EIF2AK3: variants seen among roughly 807,000 people sequenced by gnomAD.
The protein encoded by EIF2AK3 is eukaryotic translation initiation factor 2 alpha kinase 3.
EIF2AK3 carries 50 observed loss-of-function variants against 113.5 expected under a neutral mutation model. The ratio of observed to expected loss-of-function variants is 0.44; its 90% confidence interval spans 0.35 to 0.56. The LOEUF (loss-of-function observed/expected upper bound fraction) is 0.56. EIF2AK3 is among the 20% of genes least tolerant of loss of function. The probability of loss-of-function intolerance (pLI) is 0.00; values close to 1 mark genes in which losing one functional copy is unlikely to be tolerated. For missense variants in EIF2AK3, 1,185 were observed against 1,378.0 expected, an observed-to-expected ratio of 0.86 and a Z score of 2.22; for synonymous variants, 448 against 495.4, an observed-to-expected ratio of 0.90 and a Z score of 1.27.
intron 1 of EIF2AK3, among the ~76,000 whole-genome samples, chr2:88,618,446 TTA>T (rs1375379767): frequency 6.6e-6 from 1 of 152,152 alleles, no homozygotes; most frequent in Non-Finnish European, 1.5e-5. Flanking sequence ...TTCATTCGAG[TTA>T]TTTTTTCATA....
At chr2:88,603,381 T>C (rs1292984099) in intron 2 of EIF2AK3, among the ~76,000 whole-genome samples, 1 of 152,230 alleles carries the variant, frequency 6.6e-6, no homozygotes, top group Admixed American at 6.5e-5. Context: ...GCTTCCTGCT[T>C]TTTCCCACTG....
chr2:88,579,403 A>G, intron 11 of EIF2AK3, 115 bp downstream of exon 11: 1 of 1,401,240 alleles, frequency 7.1e-7, no homozygotes, highest in Non-Finnish European at 9.9e-7. Flanking sequence ...TAAGATTTGA[A>G]ACGTCTGAAA....
chr2:88,608,175 G>C (rs377581303), intron 2 of EIF2AK3, among the ~76,000 whole-genome samples: 40 of 152,232 alleles, frequency 2.6e-4, no homozygotes, highest in African/African-American at 9.2e-4. Context: ...CAGCTTCTCA[G>C]ATTAATAAGT....
intron 2 of EIF2AK3, among the ~76,000 whole-genome samples, chr2:88,608,037 C>CA (rs1675332635): frequency 6.6e-6 from 1 of 152,194 alleles, no homozygotes; most frequent in African/African-American, 2.4e-5. Flanking sequence ...CCCTCCTCCA[C>CA]AATACCACAC....
chr2:88,557,424 C>G lies in EIF2AK3; in HGVS notation c.*312G>C. The G allele has an allele frequency of 2.8e-6, 1 of 359,176 alleles. No homozygotes were observed. The allele number at this position is 359,176 out of a possible 1,614,324, so 22.2% of individuals were successfully genotyped here. ...AAAAATATATCCATTTTAGTTCTCA[C>G]TATATATATATATTAGGGATTGCTG... On this transcript the variant is annotated 3_prime_UTR_variant, in exon 17 of 17. Coordinates refer to ENST00000303236, the MANE Select transcript of EIF2AK3 (RefSeq NM_004836.7).
intron 15 of EIF2AK3, 104 bp downstream of exon 15, chr2:88,562,185 C>T (rs1317688962): frequency 2.3e-6 from 2 of 867,844 alleles, no homozygotes; most frequent in East Asian, 5.2e-5. Flanking sequence ...TTTAGTTAAC[C>T]AATCTGCTGG....
In EIF2AK3 at chr2:88,562,382, T is replaced by G. The variant is rs753123351; in HGVS notation, c.2994A>C (p.Gly998=). The part of the protein sequence containing the change: ...KLYMSPEQIH[G]NSYSHKVDIF... ...TGTCCACTTTATGAGAATAGCTGTTTCCATGAATCTGAAATCCCACATAAA... is the reference window on the plus strand; with the variant it reads ...TGTCCACTTTATGAGAATAGCTGTTGCCATGAATCTGAAATCCCACATAAA... The change falls in exon 15 of 17, where the codon GGA becomes GGC. Residue 998 remains glycine (G), a synonymous_variant. Coordinates refer to ENST00000303236, the MANE Select transcript of EIF2AK3 (RefSeq NM_004836.7). 6.2e-7 allele frequency: 1 copy of G among 1,613,574 alleles called. No homozygotes were observed. The highest frequency in any genetic ancestry group is 8.5e-7 in the Non-Finnish European group (1 of 1,179,522).
intron 2 of EIF2AK3, among the ~76,000 whole-genome samples, chr2:88,610,058 G>A (rs1675394700): frequency 6.6e-6 from 1 of 151,798 alleles, no homozygotes. Context: ...GGAGTTGGAG[G>A]CTACTGTGAG....
chr2:88,597,569 T>C (rs1319759425), intron 2 of EIF2AK3, among the ~76,000 whole-genome samples: 1 of 152,224 alleles, frequency 6.6e-6, no homozygotes, highest in East Asian at 1.9e-4. Flanking sequence ...GGCATGGTTA[T>C]TTAAACACAA....
At chr2:88,562,470 GT>G in intron 14 of EIF2AK3, 80 bp from the exon 15 acceptor site, 1 of 1,152,854 alleles carries the variant, frequency 8.7e-7, no homozygotes, top group South Asian at 1.3e-5. Flanking sequence ...GAATCCCAAA[GT>G]TTACTTAGTC....
intron 2 of EIF2AK3, among the ~76,000 whole-genome samples, chr2:88,601,687 G>A (rs1675151160): frequency 6.6e-6 from 1 of 151,958 alleles, no homozygotes; most frequent in Non-Finnish European, 1.5e-5. Context: ...TTGAGTTTGG[G>A]GGAGTCAGCC....
chr2:88,607,916 A>G (rs531995047), intron 2 of EIF2AK3, among the ~76,000 whole-genome samples: 2 of 152,350 alleles, frequency 1.3e-5, no homozygotes, highest in African/African-American at 2.4e-5. Flanking sequence ...GTCCAATTCT[A>G]TAACTTTACA....
chr2:88,558,911 A>G lies in EIF2AK3; in HGVS notation c.3150+6T>C, dbSNP rs1483694399. Reference sequence around the variant, plus strand: ...AAAGAAGATAAAAGATGAGAATTACACATACCTCACAAGGATATTTCTGAG... The same window carrying G: ...AAAGAAGATAAAAGATGAGAATTACGCATACCTCACAAGGATATTTCTGAG... On this transcript the variant is annotated splice_donor_region_variant and intron_variant, in intron 16 of 16. Transcript: ENST00000303236. 4 of 1,586,396 alleles carry G rather than the reference A, an allele frequency of 2.5e-6. No individual in the cohort carries two copies. The highest frequency in any genetic ancestry group is 3.5e-6 in the Non-Finnish European group (4 of 1,155,258).
rs564296388 is a variant in EIF2AK3 at position 88,613,228 on chromosome 2, T to G, written c.438+496A>C. On this transcript the variant is annotated intron_variant, in intron 2 of 16. Transcript: ENST00000303236. ...CCTCTACTATTCTAGAGCTCCAAAT[T>G]ATTAAGTACACTTTTTCTGCAAATA... Among the ~76,000 whole-genome samples, 23 of 152,288 alleles carry G rather than the reference T, an allele frequency of 1.5e-4. 1 individual carries two copies. The South Asian group carries it at 4.8e-3, about 32-fold the overall frequency.
intron 3 of EIF2AK3, 53 bp from the exon 4 acceptor site, chr2:88,593,458 G>A (rs1204876072): frequency 1.3e-6 from 2 of 1,595,354 alleles, no homozygotes; most frequent in East Asian, 4.5e-5. Context: ...ACTCATAATA[G>A]ATCAGAGATA....
intron 2 of EIF2AK3, among the ~76,000 whole-genome samples, chr2:88,606,708 C>T (rs1675289260): frequency 6.6e-6 from 1 of 152,150 alleles, no homozygotes; most frequent in African/African-American, 2.4e-5. Flanking sequence ...TCTTTCTAAA[C>T]AAATCAGTAA....
chr2:88,620,783 A>C (rs1162639890), intron 1 of EIF2AK3, among the ~76,000 whole-genome samples: 3 of 152,198 alleles, frequency 2.0e-5, no homozygotes, highest in Non-Finnish European at 4.4e-5. Context: ...CTTTTATGTC[A>C]CTTATTATCC....
At chr2:88,617,541 G>A (rs773151447) in intron 1 of EIF2AK3, among the ~76,000 whole-genome samples, 3 of 151,698 alleles carry the variant, frequency 2.0e-5, no homozygotes, top group African/African-American at 4.9e-5. Flanking sequence ...GGCTCACGAG[G>A]TCAGGAGATC....
chr2:88,565,042 T>G (rs1217698979), intron 14 of EIF2AK3, among the ~76,000 whole-genome samples: 1 of 151,732 alleles, frequency 6.6e-6, no homozygotes, highest in South Asian at 2.1e-4. Flanking sequence ...AAAGGTGTTT[T>G]TTTTTTTTTT....
Sources: allele counts gnomAD v4.1 joint callset (sites outside exome capture counted in the v4.1 genomes callset), GRCh38; gene constraint gnomAD v4.1.1; transcripts MANE v1.5; gene names NCBI Gene and HGNC (gene_info 2026-07-23, HGNC 2026-07-21).